The following ANOS1 variants were observed in gnomAD, a reference collection of about 807,000 sequenced individuals.
ANOS1 encodes the protein anosmin 1.
In ANOS1, 6 loss-of-function variants were observed where a neutral mutation model predicts 59.0. The ratio of observed to expected loss-of-function variants is 0.10; its 90% CI spans 0.06 to 0.20. The LOEUF is 0.20. ANOS1 is among the 10% of genes least tolerant of loss of function. ANOS1 has a pLI of 1.00. For missense variants in ANOS1, 433 were observed against 542.3 expected (o/e 0.80, Z 2.00); for synonymous variants, 217 against 223.4 (o/e 0.97, Z 0.25).
At chrX:8,708,119 G>A (rs1359003505) in intron 1 of ANOS1, among the ~76,000 whole-genome samples, 1 of 112,295 alleles carries the variant, frequency 8.9e-6, no homozygotes, top group Non-Finnish European at 1.9e-5. Flanking sequence ...AGCTACTCGG[G>A]AGGCTGTGGC....
intron 6 of ANOS1, among the ~76,000 whole-genome samples, chrX:8,571,842 T>A (rs2146808161): frequency 8.9e-6 from 1 of 112,124 alleles, no homozygotes; most frequent in African/African-American, 3.2e-5. Context: ...TAATTCTAAT[T>A]ATAGCACCAT....
chrX:8,594,638 AT>A (rs1208339476), intron 4 of ANOS1, among the ~76,000 whole-genome samples: 2 of 77,936 alleles, frequency 2.6e-5, no homozygotes, highest in African/African-American at 4.7e-5. Flanking sequence ...AAGAAAAAAA[AT>A]CTACATATAT....
chrX:8,710,146 G>A (rs886317356), intron 1 of ANOS1, among the ~76,000 whole-genome samples: 3 of 111,213 alleles, frequency 2.7e-5, no homozygotes, highest in African/African-American at 9.8e-5. Context: ...TAGCCAGGAT[G>A]GTCTCGATCT....
chrX:8,694,605 T>C (rs1256917975), intron 2 of ANOS1, among the ~76,000 whole-genome samples: 5 of 111,883 alleles, frequency 4.5e-5, no homozygotes, highest in African/African-American at 1.6e-4. Flanking sequence ...GAAGGCAGAG[T>C]TGCAGTGAGC....
chrX:8,638,132 T>A (rs767478772), intron 2 of ANOS1, among the ~76,000 whole-genome samples: 1 of 111,967 alleles, frequency 8.9e-6, no homozygotes, highest in East Asian at 2.8e-4. Context: ...ACACCTCTAA[T>A]CATTTTAGAA....
intron 8 of ANOS1, among the ~76,000 whole-genome samples, chrX:8,564,287 T>C (rs764966939): frequency 1.7e-4 from 19 of 111,607 alleles, no homozygotes; most frequent in South Asian, 3.8e-4. Flanking sequence ...ACTTAGAAAT[T>C]AGCAGGGGCA....
intron 9 of ANOS1, among the ~76,000 whole-genome samples, chrX:8,542,624 T>G (rs144743120): frequency 0.045 from 4,885 of 108,854 alleles, 285 homozygotes; most frequent in African/African-American, 0.15. Context: ...TACTCCTTTC[T>G]GGAGGCTCCA....
chrX:8,707,116 A>G (rs761682166), intron 1 of ANOS1, among the ~76,000 whole-genome samples: 1 of 111,680 alleles, frequency 9.0e-6, no homozygotes, highest in Admixed American at 9.6e-5. Context: ...GTGTTGTTTT[A>G]ATTTAATGAT....
intron 3 of ANOS1, among the ~76,000 whole-genome samples, chrX:8,619,102 G>GAAAGA (rs1469663656): frequency 3.4e-5 from 2 of 58,560 alleles, no homozygotes; most frequent in Non-Finnish European, 6.2e-5. Flanking sequence ...AAAAAAAAAA[G>GAAAGA]AAAGAAAAGA....
chrX:8,673,878 G>A (rs1238433937), intron 2 of ANOS1, among the ~76,000 whole-genome samples: 1 of 111,433 alleles, frequency 9.0e-6, no homozygotes, highest in Non-Finnish European at 1.9e-5. Context: ...AAGGGACAGA[G>A]ACAGTGAAGG....
intron 8 of ANOS1, among the ~76,000 whole-genome samples, chrX:8,558,520 A>G (rs1013188772): frequency 2.7e-5 from 3 of 111,489 alleles, no homozygotes; most frequent in African/African-American, 9.8e-5. Context: ...TAAGTAACAT[A>G]TATTCACCAG....
At chrX:8,549,163 T>C (rs1004167050) in intron 9 of ANOS1, among the ~76,000 whole-genome samples, 25 of 112,406 alleles carry the variant, frequency 2.2e-4, no homozygotes, top group African/African-American at 6.1e-4. Flanking sequence ...CTAATATTGA[T>C]TAATAAATAT....
chrX:8,622,255 C>T (rs1181521141), intron 3 of ANOS1, among the ~76,000 whole-genome samples: 2 of 111,913 alleles, frequency 1.8e-5, no homozygotes, highest in Non-Finnish European at 3.8e-5. Flanking sequence ...ACTTCCCAGT[C>T]CTTCCTGGCT....
In ANOS1 at chrX:8,685,648, GAAAGAAAGAAAA is replaced by G. The variant is rs1202183538; in HGVS notation, c.255+14038_255+14049del. On this transcript the variant is annotated intron_variant, in intron 2 of 13. Coordinates refer to ENST00000262648, the MANE Select transcript of ANOS1 (RefSeq NM_000216.4). The stretch of plus-strand genomic sequence containing the variant: ...AGAAAGAAAGAAAGAAAGAAAGAAA[GAAAGAAAGAAAA>G]AGAAAGGAAGGAAGGAGGGAGGAAG... 3.1e-4 allele frequency among the ~76,000 whole-genome samples: 30 copies of G among 96,694 alleles called. No individual in the cohort carries two copies. In the East Asian group the frequency reaches 8.2e-3, roughly 26 times the overall value. 84.0% of individuals were successfully genotyped at this position (96,694 alleles called of 115,157 possible). A position where few individuals can be genotyped will look rare whatever the true frequency, so the allele number is the denominator to read the frequency against.
At chrX:8,606,281 T>C (rs2214988) in intron 3 of ANOS1, among the ~76,000 whole-genome samples, 41,899 of 110,491 alleles carry the variant, frequency 0.38, 5,739 homozygotes, top group South Asian at 0.43. Flanking sequence ...TCAGTAAAAT[T>C]AATCATTTTT....
intron 6 of ANOS1, among the ~76,000 whole-genome samples, chrX:8,573,977 G>A: frequency 9.0e-6 from 1 of 111,540 alleles, no homozygotes; most frequent in Non-Finnish European, 1.9e-5. Context: ...TCTGAATACA[G>A]CAGTCTGATG....
At chrX:8,543,301 T>A (rs1929715827) in intron 9 of ANOS1, among the ~76,000 whole-genome samples, 1 of 110,077 alleles carries the variant, frequency 9.1e-6, no homozygotes, top group Admixed American at 9.7e-5. Context: ...TCTGAGAAAG[T>A]AAAATATAAA....
At chrX:8,627,773 A>G (rs916747224) in intron 2 of ANOS1, among the ~76,000 whole-genome samples, 6 of 110,492 alleles carry the variant, frequency 5.4e-5, no homozygotes, top group Non-Finnish European at 1.1e-4. Flanking sequence ...GTTGCGGGAG[A>G]AAACGACAAT....
chrX:8,533,824 T>C (rs1397264651), intron 13 of ANOS1, among the ~76,000 whole-genome samples: 2 of 111,170 alleles, frequency 1.8e-5, no homozygotes, highest in African/African-American at 6.5e-5. Context: ...TTATTTCCTA[T>C]ATTGTGATAT....
Sources: gnomAD v4.1 joint callset for allele counts (sites outside exome capture counted in the v4.1 genomes callset) on GRCh38, gnomAD v4.1.1 for gene constraint, MANE v1.5 for transcripts, NCBI Gene and HGNC (gene_info 2026-07-23, HGNC 2026-07-21) for gene names.